Variants in MLLT3 observed in about 807,000 individuals in gnomAD.
MLLT3 encodes MLLT3 super elongation complex subunit.
Under a neutral mutation model 53.2 loss-of-function variants are expected in MLLT3, and 4 were observed. The observed-to-expected ratio is 0.08, with a 90% CI of 0.04 to 0.17. The LOEUF is 0.17. MLLT3 is among the 10% of genes least tolerant of loss of function. The pLI is 1.00. For missense variants in MLLT3, 569 were observed against 684.0 expected (o/e 0.83, Z 1.87); for synonymous variants, 283 against 230.6 (o/e 1.23, Z -2.06).
At chr9:20,420,586 A>G (rs1232255287) in intron 4 of MLLT3, among the ~76,000 whole-genome samples, 1 of 152,248 alleles carries the variant, frequency 6.6e-6, no homozygotes, top group Non-Finnish European at 1.5e-5. Context: ...AGAAATCAAT[A>G]TATCTTTGTC....
chr9:20,455,791 TC>T (rs1823951234), intron 3 of MLLT3, among the ~76,000 whole-genome samples: 2 of 152,186 alleles, frequency 1.3e-5, no homozygotes, highest in African/African-American at 4.8e-5. Flanking sequence ...TTTTATCTAA[TC>T]CTACTAACCA....
intron 2 of MLLT3, among the ~76,000 whole-genome samples, chr9:20,503,791 C>T (rs1825309143): frequency 6.6e-6 from 1 of 152,042 alleles, no homozygotes; most frequent in Non-Finnish European, 1.5e-5. Context: ...AAAATATATG[C>T]AAACCATGCA....
At chr9:20,588,973 T>G (rs529575485) in intron 2 of MLLT3, among the ~76,000 whole-genome samples, 1 of 151,146 alleles carries the variant, frequency 6.6e-6, no homozygotes, top group East Asian at 1.9e-4. Context: ...AGGAACACTT[T>G]TACACTGTTG....
At chr9:20,434,047 G>A (rs1324435066) in intron 4 of MLLT3, among the ~76,000 whole-genome samples, 1 of 152,076 alleles carries the variant, frequency 6.6e-6, no homozygotes, top group African/African-American at 2.4e-5. Flanking sequence ...CTTGAATCTG[G>A]GAAGCGGAGG....
In MLLT3 at chr9:20,342,453, A is replaced by AT. The variant is rs34842324; in HGVS notation, c.*3989dup. The AT allele has an allele frequency of 4.5e-6, 1 of 222,194 alleles. No individual in the cohort carries two copies. Among genetic ancestry groups the AT allele is most frequent in the African/African-American group, 2.2e-5 (1 of 44,656 alleles). The allele number at this position is 222,194 out of a possible 1,614,324, so 13.8% of individuals were successfully genotyped here. On this transcript the variant is annotated 3_prime_UTR_variant, in exon 11 of 11. Coordinates refer to ENST00000380338, the MANE Select transcript of MLLT3 (RefSeq NM_004529.4). ...AATCTCAATAATACATTTTCACTTA[A>AT]TTTATTTTTGCACTGCATGGTAGCT...
At chr9:20,416,483 C>G (rs940686772) in intron 4 of MLLT3, among the ~76,000 whole-genome samples, 3 of 151,950 alleles carry the variant, frequency 2.0e-5, no homozygotes, top group African/African-American at 7.2e-5. Context: ...TTTTAAAATC[C>G]TTCTTTAGAA....
intron 2 of MLLT3, among the ~76,000 whole-genome samples, chr9:20,541,872 C>T (rs939242150): frequency 1.3e-5 from 2 of 152,180 alleles, no homozygotes; most frequent in Non-Finnish European, 2.9e-5. Context: ...TATCTGCAGT[C>T]ATTTCCTCCA....
intron 2 of MLLT3, among the ~76,000 whole-genome samples, chr9:20,526,476 A>G (rs1818206921): frequency 6.6e-6 from 1 of 152,206 alleles, no homozygotes; most frequent in Non-Finnish European, 1.5e-5. Context: ...TATGCATAGA[A>G]TACACATGCT....
At chr9:20,517,165 T>C (rs1424117064) in intron 2 of MLLT3, among the ~76,000 whole-genome samples, 2 of 152,200 alleles carry the variant, frequency 1.3e-5, no homozygotes, top group Non-Finnish European at 2.9e-5. Flanking sequence ...TATAATGTCA[T>C]TGGAATTTTG....
intron 2 of MLLT3, among the ~76,000 whole-genome samples, chr9:20,488,750 G>A (rs972719572): frequency 3.9e-5 from 6 of 152,146 alleles, no homozygotes; most frequent in Non-Finnish European, 7.4e-5. Context: ...TAATGTAAAG[G>A]AACAAATGCC....
intron 4 of MLLT3, among the ~76,000 whole-genome samples, chr9:20,425,389 C>T (rs1194637815): frequency 6.6e-6 from 1 of 152,038 alleles, no homozygotes; most frequent in East Asian, 1.9e-4. Context: ...AAGATTAGAA[C>T]ATAGGACTTC....
At chr9:20,565,770 C>T (rs1388544682) in intron 2 of MLLT3, among the ~76,000 whole-genome samples, 1 of 150,674 alleles carries the variant, frequency 6.6e-6, no homozygotes, top group Non-Finnish European at 1.5e-5. Flanking sequence ...GCCCTGAGAC[C>T]TAGACTAGAT....
intron 5 of MLLT3, among the ~76,000 whole-genome samples, chr9:20,387,245 T>C (rs1252102884): frequency 1.3e-5 from 2 of 152,206 alleles, no homozygotes; most frequent in Non-Finnish European, 2.9e-5. Flanking sequence ...ACAAGTGGCA[T>C]GGCTGTGTTC....
At chr9:20,413,309 A>G (rs1371983198) in intron 5 of MLLT3, among the ~76,000 whole-genome samples, 2 of 152,204 alleles carry the variant, frequency 1.3e-5, no homozygotes, top group Non-Finnish European at 2.9e-5. Flanking sequence ...TCAAAACATC[A>G]ACATTATAGC....
At chr9:20,594,089 C>T (rs1480078045) in intron 2 of MLLT3, among the ~76,000 whole-genome samples, 1 of 151,806 alleles carries the variant, frequency 6.6e-6, no homozygotes. Context: ...TACAGACACC[C>T]ACCACCACAC....
chr9:20,539,848 C>T (rs1378477402), intron 2 of MLLT3, among the ~76,000 whole-genome samples: 1 of 152,196 alleles, frequency 6.6e-6, no homozygotes, highest in East Asian at 1.9e-4. Flanking sequence ...AAAGTCTCAT[C>T]TGAGATAAGG....
At chr9:20,408,070 A>C (rs1322443463) in intron 5 of MLLT3, among the ~76,000 whole-genome samples, 1 of 152,202 alleles carries the variant, frequency 6.6e-6, no homozygotes, top group East Asian at 1.9e-4. Context: ...ATTGGAAGAG[A>C]GATTCTGGCT....
chr9:20,606,630 C>T (rs912857291), intron 2 of MLLT3, among the ~76,000 whole-genome samples: 1 of 152,100 alleles, frequency 6.6e-6, no homozygotes, highest in African/African-American at 2.4e-5. Flanking sequence ...GAAAAATTCA[C>T]TCAGTGTCTT....
chr9:20,353,112 A>T, intron 10 of MLLT3, among the ~76,000 whole-genome samples: 1 of 152,270 alleles, frequency 6.6e-6, no homozygotes, highest in African/African-American at 2.4e-5. Flanking sequence ...TCATTGGCAA[A>T]GGTTACTAAA....
Sources: allele counts gnomAD v4.1 joint callset (sites outside exome capture counted in the v4.1 genomes callset), GRCh38; gene constraint gnomAD v4.1.1; transcripts MANE v1.5; gene names NCBI Gene and HGNC (gene_info 2026-07-23, HGNC 2026-07-21).